The following ERCC6L variants were observed in gnomAD, a reference collection of about 807,000 sequenced individuals.
ERCC6L encodes DNA excision repair protein ERCC-6-like.
A neutral mutation model predicts 20.1 loss-of-function variants in ERCC6L; 7 were observed. That is an observed-to-expected ratio of 0.35 (90% CI 0.20 to 0.65). The LOEUF is 0.65. Ranked by LOEUF, ERCC6L falls within the 30% of genes least tolerant of loss-of-function variation. The pLI is 0.69. For missense variants in ERCC6L, 592 were observed against 892.4 expected (o/e 0.66, Z 4.29); for synonymous variants, 278 against 331.3 (o/e 0.84, Z 1.75).
chrX:72,204,963 A>T lies in ERCC6L; in HGVS notation c.*51T>A. ...CAAAGAATCCAATTATGGGAACAAA[A>T]ATTCCCTCATATTCAGTTTCACTTT... On this transcript the variant is annotated 3_prime_UTR_variant, in exon 2 of 2. Transcript: ENST00000334463. 9.9e-7 allele frequency: 1 copy of T among 1,009,953 alleles called. No individual in the cohort carries two copies. Among genetic ancestry groups the T allele is most frequent in the Non-Finnish European group, 1.3e-6 (1 of 748,829 alleles). The allele number at this position is 1,009,953 out of a possible 1,213,427, so 83.2% of individuals were successfully genotyped here. A position where few individuals can be genotyped will look rare whatever the true frequency, so the allele number is the denominator to read the frequency against.
intron 1 of ERCC6L, among the ~76,000 whole-genome samples, chrX:72,219,213 G>A (rs183340396): frequency 2.7e-5 from 3 of 111,253 alleles, no homozygotes; most frequent in East Asian, 5.7e-4. Context: ...CAGAGATCGC[G>A]CCATTGCACT....
At chrX:72,236,806 C>T (rs966541871) in intron 1 of ERCC6L, among the ~76,000 whole-genome samples, 7 of 111,987 alleles carry the variant, frequency 6.3e-5, no homozygotes, top group African/African-American at 2.3e-4. Flanking sequence ...TTTGCTACGT[C>T]ATTTCACTTA....
intron 1 of ERCC6L, among the ~76,000 whole-genome samples, chrX:72,220,395 G>A (rs2042915933): frequency 9.0e-6 from 1 of 111,661 alleles, no homozygotes; most frequent in African/African-American, 3.3e-5. Context: ...TCATTCAGCG[G>A]GAGCATCGGC....
chrX:72,230,645 C>A (rs1352970528), intron 1 of ERCC6L, among the ~76,000 whole-genome samples: 1 of 112,074 alleles, frequency 8.9e-6, no homozygotes, highest in African/African-American at 3.2e-5. Context: ...CGCTTGTATA[C>A]TGTTGGTACT....
In ERCC6L at chrX:72,205,422, G is replaced by A. The variant is rs748979456; in HGVS notation, c.3345C>T (p.Asp1115=). The A allele has an allele frequency of 1.7e-5, 20 of 1,210,215 alleles. No homozygotes were observed. The East Asian group carries it at 3.6e-4, about 21-fold the overall frequency. ...DHVEDMEERL[D]DSSEAKGPED... The stretch of plus-strand genomic sequence containing the variant: ...CAGGACCCTTTGCTTCACTGCTGTC[G>A]TCAAGTCTTTCCTCCATGTCCTCCA... Residue 1115 remains aspartate, a synonymous_variant, in exon 2 of 2, where the codon GAC becomes GAT. Coordinates refer to ENST00000334463, the MANE Select transcript of ERCC6L (RefSeq NM_017669.4).
Position 72,207,287 on chromosome X carries a change from G to A in ERCC6L, c.1480C>T (p.Arg494Cys), listed in dbSNP as rs765128241. Reference protein sequence around the residue: ...QSRQILNIIERLLKNRHFKTL... With the variant: ...QSRQILNIIECLLKNRHFKTL... ...TTAAAGTGCCTATTCTTTAAGAGGC[G>A]TTCAATGATGTTTAGAATTTGCCTC... is the stretch of plus-strand genomic sequence containing the variant. The change falls in exon 2 of 2, where the codon CGC (arginine) becomes TGC (cysteine). Residue 494 changes from arginine to cysteine, a missense_variant. Physicochemically the swap from Arg to Cys is radical, Grantham distance 180 (BLOSUM62 -3). Transcript: ENST00000334463. 2.5e-6 allele frequency: 3 copies of A among 1,210,706 alleles called. No homozygotes were observed. The highest frequency in any genetic ancestry group is 3.0e-5 in the East Asian group (1 of 33,835).
chrX:72,207,718 G>A lies in ERCC6L; in HGVS notation c.1049C>T (p.Pro350Leu). 1.7e-6 allele frequency: 2 copies of A among 1,211,114 alleles called. No homozygotes were observed. Among genetic ancestry groups the A allele is most frequent in the Non-Finnish European group, 2.2e-6 (2 of 895,310 alleles). The change falls in exon 2 of 2, where the codon CCA becomes CTA. Residue 350 changes from proline to leucine, a missense_variant. By Grantham distance (98) the Pro-to-Leu change is moderately conservative (BLOSUM62 -3). This residue lies in a region of ERCC6L where 196 missense variants were observed against 440.1 expected (regional missense o/e 0.45). Transcript: ENST00000334463. ...NPEARLNEKN[P>L]DVDAICEMPS... ...CATTTCACAAATGGCATCAACATCT[G>A]GATTCTTTTCATTAAGTCTGGCCTC...
intron 1 of ERCC6L, among the ~76,000 whole-genome samples, chrX:72,210,202 AAAAT>A (rs58086876): frequency 0.1 from 9,783 of 97,063 alleles, 548 homozygotes; most frequent in East Asian, 0.31. Flanking sequence ...TGTCTCTTAA[AAAAT>A]AAATAAATAA....
chrX:72,223,416 T>C (rs1397572336), intron 1 of ERCC6L, among the ~76,000 whole-genome samples: 4 of 104,962 alleles, frequency 3.8e-5, no homozygotes, highest in African/African-American at 1.4e-4. Flanking sequence ...TTGGAGACAG[T>C]TTTGCTCTTG....
rs144267277 is a variant in ERCC6L at position 72,235,389 on chromosome X, CTTTTTTTTTTT to C, written c.68+3444_68+3454del. Among the ~76,000 whole-genome samples, 17 of 68,570 alleles carry C rather than the reference CTTTTTTTTTTT, an allele frequency of 2.5e-4. 1 individual carries two copies. The highest frequency in any genetic ancestry group is 1.2e-3 in the African/African-American group (17 of 14,760). 59.5% of individuals were successfully genotyped at this position (68,570 alleles called of 115,157 possible). On this transcript the variant is annotated intron_variant, in intron 1 of 1. Coordinates refer to ENST00000334463, the MANE Select transcript of ERCC6L (RefSeq NM_017669.4). ...CCTCCTCTTCTGCCTCCCTCTTCCA[CTTTTTTTTTTT>C]TTTTTTTTTTTGGAGATGGAGTTTC...
rs145424958 is a variant in ERCC6L, at chrX:72,235,021, T to C, written c.68+3823A>G. 1.2e-3 allele frequency among the ~76,000 whole-genome samples: 136 copies of C among 112,372 alleles called. 2 individuals carry two copies. The East Asian group carries it at 0.028, about 23-fold the overall frequency. On this transcript the variant is annotated intron_variant, in intron 1 of 1. Transcript: ENST00000334463. The stretch of plus-strand genomic sequence containing the variant: ...AGTCACATGATTGTTTCTTCAACCA[T>C]GTTCATCTGAGAGGGCCAGAGTTGG...
intron 1 of ERCC6L, among the ~76,000 whole-genome samples, chrX:72,213,443 C>T (rs1427540928): frequency 2.7e-5 from 3 of 111,491 alleles, no homozygotes. Context: ...GGGTCCCTCC[C>T]ATTGTATGGG....
At chrX:72,218,269 C>CAAA (rs762377624) in intron 1 of ERCC6L, among the ~76,000 whole-genome samples, 1 of 61,254 alleles carries the variant, frequency 1.6e-5, no homozygotes, top group South Asian at 7.8e-4. Context: ...GACTCTGTCT[C>CAAA]AAAAAAAAAA....
At chrX:72,223,492 C>T (rs751549590) in intron 1 of ERCC6L, among the ~76,000 whole-genome samples, 5 of 106,864 alleles carry the variant, frequency 4.7e-5, no homozygotes, top group South Asian at 4.3e-4. Context: ...CAGGTTCAAG[C>T]GATTCTCCTG....
Position 72,208,488 on chromosome X carries a change from G to A in ERCC6L, c.279C>T (p.His93=). ...CCTTCTGGTGCTCAAAGAGTTGGTT[G>A]TGCAGTTCTCGATAAAGTAGCAAGC... ...NSGLLLYREL[H]NQLFEHQKEG... The change falls in exon 2 of 2, where the codon CAC becomes CAT. Residue 93 remains histidine (H), a synonymous_variant. Coordinates refer to ENST00000334463, the MANE Select transcript of ERCC6L (RefSeq NM_017669.4). 8.3e-7 allele frequency: 1 copy of A among 1,211,684 alleles called. No homozygotes were observed. Among genetic ancestry groups the A allele is most frequent in the Non-Finnish European group, 1.1e-6 (1 of 895,415 alleles).
chrX:72,228,011 A>G (rs946904748), intron 1 of ERCC6L, among the ~76,000 whole-genome samples: 3 of 112,110 alleles, frequency 2.7e-5, no homozygotes, highest in Non-Finnish European at 3.8e-5. Context: ...AGGTGTTTTT[A>G]CCTTTCTCAG....
rs774840295 is a variant in ERCC6L, at chrX:72,236,485, G to A, written c.68+2359C>T. On this transcript the variant is annotated intron_variant, in intron 1 of 1. Transcript: ENST00000334463. Reference sequence around the variant, plus strand: ...TAATTTTTGTATTTTTAGTAGAGACGGGGCTTCACCATGTTGTCCAGACTG... The same window carrying A: ...TAATTTTTGTATTTTTAGTAGAGACAGGGCTTCACCATGTTGTCCAGACTG... Among the ~76,000 whole-genome samples, 7 of 110,707 alleles carry A rather than the reference G, an allele frequency of 6.3e-5. 1 individual carries two copies. The South Asian group carries it at 2.7e-3, about 42-fold the overall frequency.
rs187128885 is a variant in ERCC6L, at chrX:72,207,230, G to A, written c.1537C>T (p.Leu513Phe). Residue 513 changes from leucine (L) to phenylalanine (F), a missense_variant, in exon 2 of 2, where the codon CTT becomes TTT. This residue lies in a region of ERCC6L where 196 missense variants were observed against 440.1 expected (regional missense o/e 0.45). Coordinates refer to ENST00000334463, the MANE Select transcript of ERCC6L (RefSeq NM_017669.4). ...TTAATTCTTTTTTCTCGTTCCAAAA[G>A]ATGAGTAACTGTCCCATCGATTCGC... Reference protein sequence around the residue: ...TLRIDGTVTHLLEREKRINLF... With the variant: ...TLRIDGTVTHFLEREKRINLF... The A allele has an allele frequency of 2.6e-5, 31 of 1,209,987 alleles. No individual in the cohort carries two copies. In the African/African-American group the frequency reaches 5.4e-4, roughly 21 times the overall value.
At chrX:72,212,679 G>A (rs1329165116) in intron 1 of ERCC6L, among the ~76,000 whole-genome samples, 8 of 112,307 alleles carry the variant, frequency 7.1e-5, no homozygotes, top group African/African-American at 2.6e-4. Context: ...GGTGGCTTGA[G>A]CCTCTAATCC....
Sources: gnomAD v4.1 joint callset for allele counts (sites outside exome capture counted in the v4.1 genomes callset) on GRCh38, gnomAD v4.1.1 for gene constraint, gnomAD v4.1.1 regional missense constraint, MANE v1.5 for transcripts, NCBI Gene and HGNC (gene_info 2026-07-23, HGNC 2026-07-21) for gene names.